Variants in SYCP2 observed in about 807,000 individuals in gnomAD.
The protein encoded by SYCP2 is synaptonemal complex protein 2.
SYCP2 carries 55 observed loss-of-function variants against 211.3 expected under a neutral mutation model. That is an observed-to-expected ratio of 0.26 (90% CI 0.21 to 0.33). The LOEUF (loss-of-function observed/expected upper bound fraction) is 0.33, where lower values mean the gene tolerates loss of function less well. Ranked by LOEUF, SYCP2 falls within the 10% of genes least tolerant of loss-of-function variation. The pLI is 1.00. For synonymous variants in SYCP2, 570 were observed against 555.2 expected (o/e 1.03, Z -0.37); for missense variants, 1,731 against 1,752.0 (o/e 0.99, Z 0.21).
intron 15 of SYCP2, among the ~76,000 whole-genome samples, chr20:59,905,541 A>G (rs1051671186): frequency 2.6e-5 from 4 of 152,176 alleles, no homozygotes; most frequent in African/African-American, 7.2e-5. Flanking sequence ...TTCCATTTAT[A>G]TAAACTCTAG....
At chr20:59,916,358 GATT>G (rs2060442595) in intron 8 of SYCP2, 125 bp downstream of exon 8, 1 of 612,040 alleles carries the variant, frequency 1.6e-6, no homozygotes, top group Non-Finnish European at 2.9e-6. Flanking sequence ...TCAGGCAATA[GATT>G]ATGATAGAAA....
intron 7 of SYCP2, among the ~76,000 whole-genome samples, chr20:59,918,707 T>C (rs1252130069): frequency 6.6e-6 from 1 of 152,208 alleles, no homozygotes; most frequent in Non-Finnish European, 1.5e-5. Context: ...AAAAGCCATT[T>C]TCTAATGTGA....
In SYCP2 at chr20:59,916,528, G is replaced by A. The variant is rs775148872; in HGVS notation, c.471C>T (p.Ser157=). The change falls in exon 8 of 45, where the codon TCC becomes TCT. Residue 157 remains serine, a synonymous_variant. Transcript: ENST00000357552. ...TATTCACTCTTGAGTCAATAACCAG[G>A]GAACAAATGCGAGGTACGAAACTTT... The part of the protein sequence containing the change: ...VVESFVPRIC[S]LVIDSRVNIC... The A allele has an allele frequency of 3.1e-6, 5 of 1,611,150 alleles. No individual in the cohort carries two copies. The highest frequency in any genetic ancestry group is 4.2e-6 in the Non-Finnish European group (5 of 1,177,680).
chr20:59,868,198 T>C (rs532144846), intron 38 of SYCP2, among the ~76,000 whole-genome samples: 3 of 151,780 alleles, frequency 2.0e-5, no homozygotes, highest in Non-Finnish European at 2.9e-5. Flanking sequence ...CTAAATGTGA[T>C]AGTAAGTGAC....
chr20:59,881,169 C>G, intron 29 of SYCP2, 146 bp from the exon 30 acceptor site: 4 of 566,508 alleles, frequency 7.1e-6, no homozygotes, highest in Non-Finnish European at 1.2e-5. Flanking sequence ...CTTATCCTCT[C>G]TGACCTCAGT....
In SYCP2 at chr20:59,920,342, A is replaced by C; in HGVS notation, c.297+17T>G. The C allele has an allele frequency of 6.4e-7, 1 of 1,571,242 alleles. No homozygotes were observed. The highest frequency in any genetic ancestry group is 1.2e-5 in the South Asian group (1 of 86,332). ...AATATTTCATTCACATGAATATGTT[A>C]CATATTCTATACTTATCTTTTGTAT... is the stretch of plus-strand genomic sequence containing the variant. On this transcript the variant is annotated intron_variant, in intron 5 of 44. Transcript: ENST00000357552.
In SYCP2 at chr20:59,896,472, T is replaced by C. The variant is rs533976651; in HGVS notation, c.1461A>G (p.Ala487=). The change falls in exon 19 of 45, where the codon GCA becomes GCG. Residue 487 remains alanine (A), a synonymous_variant. Transcript: ENST00000357552. The stretch of plus-strand genomic sequence containing the variant: ...CTGGACTTCTCATAGTGTATCTATC[T>C]GCACCAGAAACAATCATTGATGCTT... ...MSEASMIVSG[A]DRYTMRSPVL... 7 of 1,610,602 alleles carry C rather than the reference T, an allele frequency of 4.3e-6. No homozygotes were observed. In the South Asian group the frequency reaches 7.7e-5, roughly 18 times the overall value.
intron 21 of SYCP2, 63 bp from the exon 22 acceptor site, chr20:59,893,262 G>T: frequency 1.8e-6 from 2 of 1,102,592 alleles, no homozygotes; most frequent in South Asian, 1.4e-5. Context: ...GGGATAGGGA[G>T]GTTAGTATAG....
chr20:59,874,357 C>T (rs1004383909), intron 34 of SYCP2, among the ~76,000 whole-genome samples: 2 of 152,060 alleles, frequency 1.3e-5, no homozygotes, highest in Non-Finnish European at 2.9e-5. Context: ...TAAGTATTAT[C>T]TTGAGTATTC....
At chr20:59,920,022 CAAAGAGACA>C (rs2060511892) in intron 5 of SYCP2, among the ~76,000 whole-genome samples, 2 of 151,234 alleles carry the variant, frequency 1.3e-5, no homozygotes, top group African/African-American at 4.8e-5. Context: ...AGCAATGAAC[CAAAGAGACA>C]AAAATCAATA....
At chr20:59,919,091 G>GT in intron 7 of SYCP2, 67 bp downstream of exon 7, 1 of 875,354 alleles carries the variant, frequency 1.1e-6, no homozygotes, top group East Asian at 2.7e-5. Context: ...AATGGGAATT[G>GT]TAAAATTATA....
At chr20:59,905,949 T>G (rs1356093217) in intron 15 of SYCP2, among the ~76,000 whole-genome samples, 1 of 152,118 alleles carries the variant, frequency 6.6e-6, no homozygotes, top group East Asian at 1.9e-4. Flanking sequence ...ACTACCTCTT[T>G]TGCAGATCCC....
chr20:59,915,307 T>A, intron 9 of SYCP2, 108 bp from the exon 10 acceptor site: 1 of 1,040,172 alleles, frequency 9.6e-7, no homozygotes. Flanking sequence ...TTGGCTAATA[T>A]CATCGACTTT....
chr20:59,898,642 C>T (rs1473851837), intron 18 of SYCP2, among the ~76,000 whole-genome samples: 2 of 152,032 alleles, frequency 1.3e-5, no homozygotes, highest in African/African-American at 4.8e-5. Context: ...GCAAACCACC[C>T]TGGCACGTGT....
chr20:59,900,311 ATTT>A, intron 17 of SYCP2, 27 bp from the exon 18 acceptor site: 2 of 1,551,918 alleles, frequency 1.3e-6, no homozygotes, highest in East Asian at 2.3e-5. Context: ...AAAAAAAAGT[ATTT>A]AAAACTGCAA....
chr20:59,927,844 G>A (rs1177969639), intron 2 of SYCP2, among the ~76,000 whole-genome samples: 1 of 152,168 alleles, frequency 6.6e-6, no homozygotes, highest in Non-Finnish European at 1.5e-5. Context: ...AAAACTGAAA[G>A]AGGAGTTTCA....
chr20:59,926,967 A>G (rs188969208), intron 2 of SYCP2, among the ~76,000 whole-genome samples: 1 of 152,128 alleles, frequency 6.6e-6, no homozygotes, highest in Non-Finnish European at 1.5e-5. Flanking sequence ...TGGATAACTG[A>G]CAGAGACTGG....
chr20:59,878,041 T>A lies in SYCP2; in HGVS notation c.2946A>T (p.Ser982=). 6.2e-7 allele frequency: 1 copy of A among 1,604,494 alleles called. No individual in the cohort carries two copies. The highest frequency in any genetic ancestry group is 2.3e-5 in the East Asian group (1 of 44,386). The change falls in exon 32 of 45, where the codon TCA becomes TCT. Residue 982 remains serine (S), a synonymous_variant. Transcript: ENST00000357552. Reference sequence around the variant, plus strand: ...AGCTTGGCTGTCCCTTTTCCAAGGATGATCCTGTAATTCAGAAAAATAAGG... The same window carrying A: ...AGCTTGGCTGTCCCTTTTCCAAGGAAGATCCTGTAATTCAGAAAAATAAGG... ...VKNHKSGKSR[S]SLEKGQPSSK...
intron 36 of SYCP2, 72 bp from the exon 37 acceptor site, chr20:59,868,997 A>C: frequency 9.8e-7 from 1 of 1,017,634 alleles, no homozygotes; most frequent in South Asian, 1.5e-5. Flanking sequence ...CACCTTTCTC[A>C]AACCCAAAAA....
Sources: allele counts gnomAD v4.1 joint callset (sites outside exome capture counted in the v4.1 genomes callset), GRCh38; gene constraint gnomAD v4.1.1; transcripts MANE v1.5; gene names NCBI Gene and HGNC (gene_info 2026-07-23, HGNC 2026-07-21).